Variants in TUSC3 observed in about 807,000 individuals in gnomAD.
TUSC3 encodes dolichyl-diphosphooligosaccharide--protein glycosyltransferase subunit TUSC3.
Under a neutral mutation model 44.8 loss-of-function variants are expected in TUSC3, and 45 were observed. The observed-to-expected ratio is 1.00, with a 90% CI of 0.79 to 1.29. The LOEUF (loss-of-function observed/expected upper bound fraction) is 1.29. Among genes scored for constraint, TUSC3 ranks in the 50% most tolerant of loss-of-function variants. The pLI is 0.00. For synonymous variants in TUSC3, 212 were observed against 152.9 expected (o/e 1.39, Z -2.85); for missense variants, 519 against 437.9 (o/e 1.19, Z -1.65).
intron 2 of TUSC3, among the ~76,000 whole-genome samples, chr8:15,524,446 G>T (rs73193333): frequency 2.6e-5 from 4 of 151,884 alleles, no homozygotes; most frequent in Non-Finnish European, 5.9e-5. Flanking sequence ...CAGTAATAAC[G>T]TCTTACATTT....
At chr8:15,437,991 AG>A (rs1188154221) in intron 1 of TUSC3, among the ~76,000 whole-genome samples, 1 of 152,222 alleles carries the variant, frequency 6.6e-6, no homozygotes, top group East Asian at 1.9e-4. Context: ...ATTTGTTATA[AG>A]GTCTTTCTAC....
chr8:15,726,495 G>A (rs1489292658), intron 6 of TUSC3, among the ~76,000 whole-genome samples: 1 of 151,912 alleles, frequency 6.6e-6, no homozygotes, highest in Non-Finnish European at 1.5e-5. Context: ...TTTTATGTTG[G>A]TTCATATGCT....
chr8:15,721,413 T>G (rs1810300368), intron 6 of TUSC3, among the ~76,000 whole-genome samples: 1 of 152,106 alleles, frequency 6.6e-6, no homozygotes, highest in Admixed American at 6.6e-5. Flanking sequence ...GATATGAGAA[T>G]ATTAATGTTC....
upstream of TUSC3, among the ~76,000 whole-genome samples, chr8:15,535,883 A>G (rs955733798): frequency 5.3e-5 from 8 of 152,308 alleles, no homozygotes; most frequent in Admixed American, 4.6e-4. Context: ...GTGAACATCT[A>G]TCATGGTCAA....
intron 2 of TUSC3, among the ~76,000 whole-genome samples, chr8:15,633,537 G>C (rs181877422): frequency 8.5e-5 from 13 of 152,244 alleles, no homozygotes; most frequent in Admixed American, 7.8e-4. Flanking sequence ...ACTCAGGCAG[G>C]GCAGGCCTTT....
At chr8:15,798,446 C>T in the TUSC3 span, among the ~76,000 whole-genome samples, 1 of 150,660 alleles carries the variant, frequency 6.6e-6, no homozygotes, top group Admixed American at 6.6e-5. Context: ...TAGAAACAGA[C>T]TCAACCCCAC....
At chr8:15,426,105 A>G (rs562476842) in intron 1 of TUSC3, among the ~76,000 whole-genome samples, 2 of 152,336 alleles carry the variant, frequency 1.3e-5, no homozygotes, top group African/African-American at 2.4e-5. Context: ...TGTAATTGAC[A>G]GAGAGCTGCA....
intron 1 of TUSC3, among the ~76,000 whole-genome samples, chr8:15,479,470 A>G (rs1331023831): frequency 2.0e-5 from 3 of 152,220 alleles, no homozygotes; most frequent in Admixed American, 2.0e-4. Flanking sequence ...GTAAGATGAA[A>G]GGAAGGGTTT....
intron 6 of TUSC3, among the ~76,000 whole-genome samples, chr8:15,692,227 T>A (rs1296701980): frequency 6.6e-6 from 1 of 152,176 alleles, no homozygotes; most frequent in Non-Finnish European, 1.5e-5. Flanking sequence ...AGTTTGCTAG[T>A]ATTTTGTTGA....
At chr8:15,476,536 C>T (rs951126841) in intron 1 of TUSC3, among the ~76,000 whole-genome samples, 3 of 152,122 alleles carry the variant, frequency 2.0e-5, no homozygotes, top group South Asian at 4.1e-4. Context: ...GGAATTTATT[C>T]TACATCGTGC....
chr8:15,729,203 G>C (rs1225565908), intron 6 of TUSC3, among the ~76,000 whole-genome samples: 1 of 152,150 alleles, frequency 6.6e-6, no homozygotes, highest in Non-Finnish European at 1.5e-5. Flanking sequence ...AGATATGTTA[G>C]TCAGTGATGT....
chr8:15,510,004 T>G (rs909319629), intron 2 of TUSC3, among the ~76,000 whole-genome samples: 1 of 152,004 alleles, frequency 6.6e-6, no homozygotes, highest in Non-Finnish European at 1.5e-5. Flanking sequence ...ACCTCATCTC[T>G]ACAAAAAATA....
chr8:15,427,081 T>TTG (rs943293825), intron 1 of TUSC3, among the ~76,000 whole-genome samples: 2 of 148,140 alleles, frequency 1.4e-5, no homozygotes, highest in African/African-American at 5.0e-5. Context: ...TGGTGTTTGT[T>TTG]TTTTTTTTGC....
chr8:15,739,770 T>A (rs777104153), intron 7 of TUSC3, among the ~76,000 whole-genome samples: 1 of 152,254 alleles, frequency 6.6e-6, no homozygotes, highest in African/African-American at 2.4e-5. Flanking sequence ...CTAGCAATTA[T>A]GTTCTTTGCC....
chr8:15,757,390 A>G (rs1585309953), intron 9 of TUSC3, among the ~76,000 whole-genome samples: 1 of 152,338 alleles, frequency 6.6e-6, no homozygotes, highest in East Asian at 1.9e-4. Context: ...AAAAAGTATG[A>G]TAGTGAACAA....
intron 2 of TUSC3, among the ~76,000 whole-genome samples, chr8:15,646,494 T>G (rs1806637693): frequency 6.6e-6 from 1 of 152,116 alleles, no homozygotes. Context: ...GAAGGCAAAT[T>G]GAATTCATGC....
intron 2 of TUSC3, among the ~76,000 whole-genome samples, chr8:15,499,223 C>G (rs1166317124): frequency 6.6e-6 from 1 of 152,158 alleles, no homozygotes; most frequent in Non-Finnish European, 1.5e-5. Flanking sequence ...TTCTGCCTCT[C>G]TCTTACCTGA....
In TUSC3 at chr8:15,757,798, G is replaced by A; in HGVS notation, c.1036G>A (p.Asp346Asn). The A allele has an allele frequency of 2.8e-6, 4 of 1,442,338 alleles. No individual in the cohort carries two copies. The highest frequency in any genetic ancestry group is 2.0e-6 in the Non-Finnish European group (2 of 1,023,652). The allele number at this position is 1,442,338 out of a possible 1,614,324, so 89.3% of individuals were successfully genotyped here. A position where few individuals can be genotyped will look rare whatever the true frequency, so the allele number is the denominator to read the frequency against. ...TTGTGGTGTATTGGAAAGTGATCTG[G>A]ACTTTGAGTGAGAAGATGTGATTTG... The part of the protein sequence containing the change: ...KYHGYPYSDL[D>N]FE Residue 346 changes from aspartate (D) to asparagine (N), a missense_variant, in exon 10 of 11, where the codon GAC becomes AAC. Physicochemically the swap from Asp to Asn is conservative, Grantham distance 23. Transcript: ENST00000503731.
intron 9 of TUSC3, among the ~76,000 whole-genome samples, chr8:15,749,547 T>C (rs1254583351): frequency 1.3e-5 from 2 of 152,094 alleles, no homozygotes; most frequent in Non-Finnish European, 2.9e-5. Context: ...TCAGATTTTC[T>C]GACACCCTGC....
Sources: allele counts gnomAD v4.1 joint callset (sites outside exome capture counted in the v4.1 genomes callset), GRCh38; gene constraint gnomAD v4.1.1; transcripts MANE v1.5; gene names NCBI Gene and HGNC (gene_info 2026-07-23, HGNC 2026-07-21).